The following NCKAP5 variants were observed in gnomAD, a reference collection of about 807,000 sequenced individuals.
The protein encoded by NCKAP5 is nck-associated protein 5.
A neutral mutation model predicts 167.0 loss-of-function variants in NCKAP5; 92 were observed. That is an observed-to-expected ratio of 0.55 (90% CI 0.47 to 0.66). The LOEUF is 0.66. Among genes scored for constraint, NCKAP5 ranks in the 30% least tolerant of loss-of-function variants. NCKAP5 has a pLI of 0.00. For missense variants in NCKAP5, 2,378 were observed against 2,315.0 expected (o/e 1.03, Z -0.56); for synonymous variants, 891 against 877.4 (o/e 1.02, Z -0.27).
In NCKAP5 at chr2:132,674,207, C is replaced by T. The variant is rs533797908; in HGVS notation, c.5714-902G>A. On this transcript the variant is annotated intron_variant, in intron 19 of 19. Coordinates refer to ENST00000409261, the MANE Select transcript of NCKAP5 (RefSeq NM_207363.3). ...TCCAAACACAGGAAAGAAGCAGGCC[C>T]GGGGGCTTGGAGATGATAGTAAGTG... 6.1e-4 allele frequency among the ~76,000 whole-genome samples: 93 copies of T among 152,022 alleles called. No individual in the cohort carries two copies. The Middle Eastern group carries it at 0.014, about 22-fold the overall frequency.
intron 11 of NCKAP5, among the ~76,000 whole-genome samples, chr2:132,800,992 C>G (rs1684987691): frequency 6.6e-6 from 1 of 152,200 alleles, no homozygotes; most frequent in South Asian, 2.1e-4. Flanking sequence ...GCCTCCTTTA[C>G]AGTCAGGTGT....
At chr2:133,130,428 T>C (rs1398971478) in intron 5 of NCKAP5, among the ~76,000 whole-genome samples, 6 of 152,194 alleles carry the variant, frequency 3.9e-5, no homozygotes. Flanking sequence ...AAAAATACTA[T>C]TGAATGCACA....
At chr2:133,151,773 T>C (rs75629640) in intron 5 of NCKAP5, among the ~76,000 whole-genome samples, 1,700 of 152,270 alleles carry the variant, frequency 0.011, 29 homozygotes, top group African/African-American at 0.039. Flanking sequence ...TCTAGTTATT[T>C]ACCAAAATAT....
intron 8 of NCKAP5, among the ~76,000 whole-genome samples, chr2:132,904,836 G>A (rs974321381): frequency 1.3e-5 from 2 of 152,116 alleles, no homozygotes; most frequent in Non-Finnish European, 2.9e-5. Context: ...CTGTCACAAT[G>A]TTCCTGTTAT....
At chr2:132,945,688 G>C (rs1486952534) in intron 8 of NCKAP5, among the ~76,000 whole-genome samples, 1 of 152,114 alleles carries the variant, frequency 6.6e-6, no homozygotes, top group Non-Finnish European at 1.5e-5. Flanking sequence ...AGAAGAAAAA[G>C]AAGTGCCTCT....
intron 5 of NCKAP5, among the ~76,000 whole-genome samples, chr2:133,155,346 C>A (rs1384536093): frequency 6.6e-6 from 1 of 152,180 alleles, no homozygotes; most frequent in East Asian, 1.9e-4. Flanking sequence ...GGGCCCCACT[C>A]CTGGCATTTC....
At chr2:133,529,874 G>A (rs1490094381) in intron 2 of NCKAP5, among the ~76,000 whole-genome samples, 2 of 152,080 alleles carry the variant, frequency 1.3e-5, no homozygotes, top group Middle Eastern at 3.4e-3. Context: ...TTCTCCTATT[G>A]CCTCTTCCTT....
chr2:133,577,340 G>T, the NCKAP5 span, among the ~76,000 whole-genome samples: 3 of 152,164 alleles, frequency 2.0e-5, no homozygotes, highest in Non-Finnish European at 4.4e-5. Context: ...GAATACAAAA[G>T]TACCTGGTCT....
chr2:133,577,963 C>G, the NCKAP5 span, among the ~76,000 whole-genome samples: 19 of 152,184 alleles, frequency 1.2e-4, no homozygotes, highest in Non-Finnish European at 2.5e-4. Flanking sequence ...CGACCCAGCT[C>G]CAGCACTGAA....
At chr2:133,008,128 C>T (rs1013389808) in intron 6 of NCKAP5, among the ~76,000 whole-genome samples, 23 of 151,998 alleles carry the variant, frequency 1.5e-4, no homozygotes, top group Non-Finnish European at 1.8e-4. Context: ...GACTCAGGGC[C>T]GAAATTCAAG....
At chr2:133,244,140 G>A (rs2150311072) in intron 4 of NCKAP5, among the ~76,000 whole-genome samples, 1 of 152,106 alleles carries the variant, frequency 6.6e-6, no homozygotes, top group East Asian at 1.9e-4. Flanking sequence ...TTTGAGATTT[G>A]TCATTTTTAT....
At chr2:132,976,830 A>C (rs1011629587) in intron 7 of NCKAP5, among the ~76,000 whole-genome samples, 1 of 152,054 alleles carries the variant, frequency 6.6e-6, no homozygotes, top group Non-Finnish European at 1.5e-5. Context: ...TGTTCTCTAG[A>C]TGACCGAGGT....
intron 5 of NCKAP5, among the ~76,000 whole-genome samples, chr2:133,186,026 C>T (rs4596030): frequency 0.059 from 8,894 of 152,000 alleles, 290 homozygotes; most frequent in African/African-American, 0.083. Flanking sequence ...AGTAAGCATC[C>T]TTGTCTTGTT....
chr2:133,442,017 G>A (rs1014813301), intron 3 of NCKAP5, among the ~76,000 whole-genome samples: 1 of 152,056 alleles, frequency 6.6e-6, no homozygotes, highest in African/African-American at 2.4e-5. Context: ...GGAACAAAAT[G>A]TCACAACAAA....
At chr2:133,481,020 A>T (rs1460417727) in intron 3 of NCKAP5, among the ~76,000 whole-genome samples, 1 of 152,182 alleles carries the variant, frequency 6.6e-6, no homozygotes, top group African/African-American at 2.4e-5. Context: ...ACCCGAACTG[A>T]TTTATGACTC....
the NCKAP5 span, among the ~76,000 whole-genome samples, chr2:133,606,979 T>C: frequency 6.6e-6 from 1 of 152,156 alleles, no homozygotes; most frequent in African/African-American, 2.4e-5. Context: ...CCACCTAGGA[T>C]ATCAGATAAT....
chr2:132,978,008 G>C (rs944456930), intron 7 of NCKAP5, among the ~76,000 whole-genome samples: 1 of 152,164 alleles, frequency 6.6e-6, no homozygotes. Context: ...GAGAAGCAAA[G>C]AGCTACTTGG....
intron 19 of NCKAP5, among the ~76,000 whole-genome samples, chr2:132,712,605 TTGTG>T (rs1688973565): frequency 6.6e-6 from 1 of 151,982 alleles, no homozygotes; most frequent in Non-Finnish European, 1.5e-5. Context: ...TGAGCAGAGA[TTGTG>T]CCACTGCACT....
intron 3 of NCKAP5, among the ~76,000 whole-genome samples, chr2:133,306,736 G>C (rs574657502): frequency 2.6e-5 from 4 of 152,292 alleles, no homozygotes; most frequent in South Asian, 4.1e-4. Flanking sequence ...CCATGAAATG[G>C]TGCTTCAGAG....
Sources: gnomAD v4.1 joint callset for allele counts (sites outside exome capture counted in the v4.1 genomes callset) on GRCh38, gnomAD v4.1.1 for gene constraint, MANE v1.5 for transcripts, NCBI Gene and HGNC (gene_info 2026-07-23, HGNC 2026-07-21) for gene names.